Variants in TTC12 observed in about 807,000 individuals in gnomAD.
TTC12 encodes the protein tetratricopeptide repeat protein 12.
A neutral mutation model predicts 90.1 loss-of-function variants in TTC12; 70 were observed. The observed-to-expected ratio is 0.78, with a 90% CI of 0.64 to 0.95. The LOEUF (loss-of-function observed/expected upper bound fraction) is 0.95, where lower values mean the gene tolerates loss of function less well. Among genes scored for constraint, TTC12 ranks in the 40% least tolerant of loss-of-function variants. TTC12 has a pLI of 0.00. For missense variants in TTC12, 819 were observed against 846.1 expected (o/e 0.97, Z 0.40); for synonymous variants, 296 against 311.5 (o/e 0.95, Z 0.53).
At chr11:113,359,495 G>T (rs782393199) in intron 17 of TTC12, 34 bp downstream of exon 17, 25 of 1,425,354 alleles carry the variant, frequency 1.8e-5, no homozygotes, top group Middle Eastern at 3.5e-4. Flanking sequence ...CTGGAGCCCT[G>T]GGACAACCTG....
intron 10 of TTC12, 67 bp downstream of exon 10, chr11:113,339,541 C>T (rs1948570059): frequency 1.4e-6 from 2 of 1,389,850 alleles, no homozygotes; most frequent in East Asian, 2.3e-5. Context: ...AGAGGTCTGC[C>T]TTTACCAGGC....
At chr11:113,345,568 G>A (rs1555147856) in intron 13 of TTC12, among the ~76,000 whole-genome samples, 1 of 152,190 alleles carries the variant, frequency 6.6e-6, no homozygotes, top group East Asian at 1.9e-4. Flanking sequence ...CATGTGTGCC[G>A]TGACAGGATG....
chr11:113,363,301 A>G (rs530346819), intron 19 of TTC12, among the ~76,000 whole-genome samples: 9 of 152,360 alleles, frequency 5.9e-5, no homozygotes, highest in Admixed American at 2.6e-4. Context: ...GATGGCATGC[A>G]TACCCATGCA....
chr11:113,373,191 C>G, exon 22 of TTC12: 1 of 985,414 alleles, frequency 1.0e-6, no homozygotes. Flanking sequence ...CTCAACCACC[C>G]CACTCCACAT....
rs781810431 is a variant in TTC12, at chr11:113,316,283, T to G, written c.26T>G (p.Leu9Trp). 80 of 1,473,956 alleles carry G rather than the reference T, an allele frequency of 5.4e-5. No individual in the cohort carries two copies. Among genetic ancestry groups the G allele is most frequent in the Middle Eastern group, 1.8e-4 (1 of 5,482 alleles). 91.3% of individuals were successfully genotyped at this position (1,473,956 alleles called of 1,614,324 possible). Residue 9 changes from leucine (L) to tryptophan (W), a missense_variant, in exon 2 of 22, where the codon TTG (leucine) becomes TGG (tryptophan). Leu to Trp is a moderately conservative substitution (Grantham distance 61). Coordinates refer to ENST00000529221, the MANE Select transcript of TTC12 (RefSeq NM_017868.4). ...ATGGATGCTGATAAAGAGAAAGATT[T>G]GCAGAAATTTCTTAAAAATGTGGAT... MDADKEKD[L>W]QKFLKNVDEI...
intron 16 of TTC12, among the ~76,000 whole-genome samples, chr11:113,357,060 C>T (rs188195528): frequency 2.6e-5 from 4 of 152,226 alleles, no homozygotes; most frequent in Admixed American, 1.3e-4. Flanking sequence ...TCAGGGACAC[C>T]GATTAGATGT....
chr11:113,332,271 G>A (rs571532663), intron 7 of TTC12, among the ~76,000 whole-genome samples: 6 of 152,180 alleles, frequency 3.9e-5, no homozygotes, highest in East Asian at 1.9e-4. Context: ...CGTGAGGGTC[G>A]ACACATGATC....
intron 2 of TTC12, among the ~76,000 whole-genome samples, chr11:113,318,066 T>G (rs782568469): frequency 6.6e-6 from 1 of 152,228 alleles, no homozygotes; most frequent in Non-Finnish European, 1.5e-5. Context: ...TAAATTTATG[T>G]AGCCACATGT....
At chr11:113,329,800 C>T in intron 6 of TTC12, 120 bp from the exon 7 acceptor site, 2 of 850,792 alleles carry the variant, frequency 2.4e-6, no homozygotes, top group Non-Finnish European at 4.0e-6. Context: ...AGGACCATGA[C>T]TGATCCAGGT....
chr11:113,317,297 TCCCTCCCCTTTG>T (rs1947001646), intron 2 of TTC12, among the ~76,000 whole-genome samples: 1 of 152,232 alleles, frequency 6.6e-6, no homozygotes, highest in Non-Finnish European at 1.5e-5. Context: ...ATCATCTCTT[TCCCTCCCCTTTG>T]CCCTCCCCCT....
chr11:113,368,311 C>T (rs1362441950), downstream of TTC12: 5 of 1,541,756 alleles, frequency 3.2e-6, no homozygotes, highest in Admixed American at 2.0e-5. Context: ...TGTGGATCCA[C>T]CCCCGCCACC....
intron 21 of TTC12, chr11:113,371,685 G>A (rs1348079741): frequency 2.0e-5 from 3 of 152,170 alleles, no homozygotes; most frequent in Admixed American, 6.5e-5. Flanking sequence ...AACAAGACCC[G>A]GAGAGGCAGG....
At chr11:113,345,546 G>T (rs1422136535) in intron 13 of TTC12, among the ~76,000 whole-genome samples, 1 of 152,146 alleles carries the variant, frequency 6.6e-6, no homozygotes, top group African/African-American at 2.4e-5. Context: ...TGTCCAATTT[G>T]GTATGTAGGT....
chr11:113,347,145 G>A (rs1356549445), intron 13 of TTC12, among the ~76,000 whole-genome samples: 1 of 152,226 alleles, frequency 6.6e-6, no homozygotes, highest in African/African-American at 2.4e-5. Flanking sequence ...TTCATTAGCA[G>A]TCATCTTCAA....
chr11:113,358,248 C>A (rs1393940003), intron 16 of TTC12, among the ~76,000 whole-genome samples: 2 of 152,178 alleles, frequency 1.3e-5, no homozygotes, highest in Admixed American at 1.3e-4. Flanking sequence ...CACTCCCGTG[C>A]TCTGGCAGGG....
Position 113,366,214 on chromosome 11 carries a change from G to A in TTC12, c.2043-11G>A. 1 of 1,612,274 alleles carries A rather than the reference G, an allele frequency of 6.2e-7. No homozygotes were observed. Among genetic ancestry groups the A allele is most frequent in the Non-Finnish European group, 8.5e-7 (1 of 1,179,998 alleles). ...ACTTATGCCCTGGGTTGTTTGTTTT[G>A]ATTGTGACAGATTTGCTGCTCAACT... On this transcript the variant is annotated splice_polypyrimidine_tract_variant and intron_variant, in intron 21 of 21. Transcript: ENST00000529221.
chr11:113,343,612 TG>T (rs1948794714), intron 12 of TTC12, among the ~76,000 whole-genome samples: 1 of 152,148 alleles, frequency 6.6e-6, no homozygotes. Context: ...GTCCAAGTGA[TG>T]GGGCCCACCC....
intron 7 of TTC12, among the ~76,000 whole-genome samples, chr11:113,330,853 C>A (rs1252177663): frequency 6.6e-6 from 1 of 152,170 alleles, no homozygotes; most frequent in East Asian, 1.9e-4. Flanking sequence ...GATATAACAG[C>A]ATGATTTTCA....
chr11:113,361,306 AAGT>A (rs1337227357), intron 18 of TTC12, among the ~76,000 whole-genome samples: 1 of 152,260 alleles, frequency 6.6e-6, no homozygotes, highest in Non-Finnish European at 1.5e-5. Context: ...GGAACAAAAA[AAGT>A]AGAGACCTAC....
Sources: allele counts gnomAD v4.1 joint callset (sites outside exome capture counted in the v4.1 genomes callset), GRCh38; gene constraint gnomAD v4.1.1; transcripts MANE v1.5; gene names NCBI Gene and HGNC (gene_info 2026-07-23, HGNC 2026-07-21).